KHDRBS2: variants seen among roughly 807,000 people sequenced by gnomAD.
The protein encoded by KHDRBS2 is KH RNA binding domain containing, signal transduction associated 2.
In KHDRBS2, 26 loss-of-function variants were observed where a neutral mutation model predicts 44.3. The observed-to-expected ratio is 0.59, with a 90% CI of 0.43 to 0.81. KHDRBS2 has a LOEUF of 0.81. Ranked by LOEUF, KHDRBS2 falls within the 40% of genes least tolerant of loss-of-function variation. KHDRBS2 has a pLI of 0.00. For synonymous variants in KHDRBS2, 194 were observed against 151.1 expected (o/e 1.28, Z -2.08); for missense variants, 476 against 433.1 (o/e 1.10, Z -0.88).
At chr6:61,869,964 G>GGTTTTTTTTTTTTTTTTTTTTTT (rs1798386615) in intron 6 of KHDRBS2, among the ~76,000 whole-genome samples, 5 of 108,980 alleles carry the variant, frequency 4.6e-5, no homozygotes, top group African/African-American at 1.5e-4. Flanking sequence ...CTGCAGGAGT[G>GGTTTTTTTTTTTTTTTTTTTTTT]TTTTTTTTTT....
the KHDRBS2 span, among the ~76,000 whole-genome samples, chr6:61,633,813 CAA>C: frequency 0.59 from 89,455 of 151,520 alleles, 26,596 homozygotes; most frequent in African/African-American, 0.61. Flanking sequence ...TTATATTACT[CAA>C]GTGTTGAAAA....
intron 2 of KHDRBS2, among the ~76,000 whole-genome samples, chr6:62,115,087 A>G (rs989618832): frequency 3.3e-5 from 5 of 152,170 alleles, no homozygotes; most frequent in African/African-American, 1.2e-4. Flanking sequence ...GAGTATTAAA[A>G]TGATTCTGAA....
intron 2 of KHDRBS2, among the ~76,000 whole-genome samples, chr6:62,062,268 C>A (rs903946464): frequency 2.0e-5 from 3 of 148,404 alleles, no homozygotes. Context: ...CAGCTCTGCA[C>A]CAAGCAGACC....
rs1419441849 is a variant in KHDRBS2 at position 61,680,985 on chromosome 6, T to A, written c.1028A>T (p.Glu343Val). 1 of 1,610,068 alleles carries A rather than the reference T, an allele frequency of 6.2e-7. No individual in the cohort carries two copies. Among genetic ancestry groups the A allele is most frequent in the Non-Finnish European group, 8.5e-7 (1 of 1,177,152 alleles). The change falls in exon 9 of 9, where the codon GAA becomes GTA. Residue 343 changes from glutamate (E) to valine (V), a missense_variant. Transcript: ENST00000281156. ...CCTTCAATATCTACCATAGGGGTGT[T>A]CCCTGTATCCCCCTCTGGCTGACCT... ...PQRSARGGYR[E>V]HPYGRY
At chr6:62,018,169 GT>G (rs1781562775) in intron 3 of KHDRBS2, among the ~76,000 whole-genome samples, 1 of 149,034 alleles carries the variant, frequency 6.7e-6, no homozygotes, top group Admixed American at 6.7e-5. Context: ...TTGAGACGGA[GT>G]CTTGCTCCGT....
chr6:61,697,940 C>T (rs188439938), intron 7 of KHDRBS2, among the ~76,000 whole-genome samples: 36 of 152,168 alleles, frequency 2.4e-4, no homozygotes, highest in Non-Finnish European at 2.9e-4. Flanking sequence ...GTTTCTTATC[C>T]GTAAAAAGCT....
At chr6:61,734,845 ATCCATAAT>A (rs1775073471) in intron 6 of KHDRBS2, among the ~76,000 whole-genome samples, 1 of 152,186 alleles carries the variant, frequency 6.6e-6, no homozygotes, top group Non-Finnish European at 1.5e-5. Context: ...ACATCAGCTC[ATCCATAAT>A]GTTTTTATGT....
chr6:62,053,300 T>G (rs1409912763), intron 2 of KHDRBS2, among the ~76,000 whole-genome samples: 1 of 151,544 alleles, frequency 6.6e-6, no homozygotes, highest in African/African-American at 2.4e-5. Context: ...GAATATAACC[T>G]TCATACCAAA....
intron 2 of KHDRBS2, among the ~76,000 whole-genome samples, chr6:62,064,945 A>C (rs1361429267): frequency 2.6e-5 from 4 of 151,780 alleles, no homozygotes; most frequent in South Asian, 4.2e-4. Flanking sequence ...GAAAAAAACA[A>C]ACAACCCCAT....
rs375594498 is a variant in KHDRBS2, at chr6:61,908,571, T to C, written c.484-7200A>G. Reference sequence around the variant, plus strand: ...ATGGCATGAACCCGGCAGGCGGAGCTTGCAGTGAGCTGAGATAGCGCCACT... The same window carrying C: ...ATGGCATGAACCCGGCAGGCGGAGCCTGCAGTGAGCTGAGATAGCGCCACT... On this transcript the variant is annotated intron_variant, in intron 4 of 8. Transcript: ENST00000281156. Among the ~76,000 whole-genome samples, 50 of 150,914 alleles carry C rather than the reference T, an allele frequency of 3.3e-4. No individual in the cohort carries two copies. The South Asian group carries it at 4.6e-3, about 14-fold the overall frequency.
chr6:62,136,068 A>G (rs1811456661), intron 2 of KHDRBS2, among the ~76,000 whole-genome samples: 1 of 152,134 alleles, frequency 6.6e-6, no homozygotes. Context: ...ACAAAAAAAA[A>G]AAAGGAAAAG....
At chr6:61,607,627 A>T in the KHDRBS2 span, among the ~76,000 whole-genome samples, 4 of 151,876 alleles carry the variant, frequency 2.6e-5, no homozygotes, top group East Asian at 7.7e-4. Context: ...AAAAATTAAC[A>T]CTTACTGAAA....
At chr6:61,906,886 T>C (rs1805130152) in intron 4 of KHDRBS2, among the ~76,000 whole-genome samples, 1 of 147,674 alleles carries the variant, frequency 6.8e-6, no homozygotes, top group Non-Finnish European at 1.5e-5. Context: ...TTTGATATAC[T>C]AGTTTGCTTT....
chr6:61,975,902 T>C (rs1772539595), intron 4 of KHDRBS2, among the ~76,000 whole-genome samples: 1 of 152,136 alleles, frequency 6.6e-6, no homozygotes, highest in Non-Finnish European at 1.5e-5. Flanking sequence ...AGCTGACAGC[T>C]GGATGCTAAG....
At chr6:61,715,479 T>A (rs917699965) in intron 7 of KHDRBS2, among the ~76,000 whole-genome samples, 4 of 151,982 alleles carry the variant, frequency 2.6e-5, no homozygotes, top group African/African-American at 9.7e-5. Context: ...AATGTAATTC[T>A]ATAGTAATGA....
intron 6 of KHDRBS2, among the ~76,000 whole-genome samples, chr6:61,780,516 A>G (rs558758630): frequency 2.6e-4 from 39 of 150,924 alleles, no homozygotes; most frequent in African/African-American, 9.6e-4. Flanking sequence ...AAAATATAAT[A>G]TAATAAAATA....
chr6:61,642,080 G>T, the KHDRBS2 span, among the ~76,000 whole-genome samples: 1 of 152,086 alleles, frequency 6.6e-6, no homozygotes, highest in African/African-American at 2.4e-5. Flanking sequence ...CTAGAGTTCT[G>T]ATGACATACC....
At chr6:62,110,092 A>T (rs1209222853) in intron 2 of KHDRBS2, among the ~76,000 whole-genome samples, 2 of 152,010 alleles carry the variant, frequency 1.3e-5, no homozygotes, top group African/African-American at 2.4e-5. Context: ...AGGCCCAGGA[A>T]GGAAGAAAAT....
intron 6 of KHDRBS2, among the ~76,000 whole-genome samples, chr6:61,796,504 C>T (rs1362362100): frequency 6.6e-6 from 1 of 151,962 alleles, no homozygotes; most frequent in Admixed American, 6.6e-5. Context: ...CATATTCTTA[C>T]ATTTACAAAC....
Sources: gnomAD v4.1 joint callset for allele counts (sites outside exome capture counted in the v4.1 genomes callset) on GRCh38, gnomAD v4.1.1 for gene constraint, MANE v1.5 for transcripts, NCBI Gene and HGNC (gene_info 2026-07-23, HGNC 2026-07-21) for gene names.